FERRY3: variants seen among roughly 807,000 people sequenced by gnomAD.
FERRY3 encodes the protein FERRY endosomal RAB5 effector complex subunit 3.
the FERRY3 span, chr12:4,534,289 A>G: frequency 3.1e-6 from 5 of 1,608,780 alleles, no homozygotes; most frequent in South Asian, 5.5e-5. Context: ...ACTGAGTCAG[A>G]GCTTCTTTTA....
chr12:4,509,774 T>C, the FERRY3 span, among the ~76,000 whole-genome samples: 5 of 139,514 alleles, frequency 3.6e-5, no homozygotes, highest in Non-Finnish European at 7.6e-5. Context: ...AGACCAAAAG[T>C]AGATAAAACC....
At chr12:4,527,043 G>A in the FERRY3 span, among the ~76,000 whole-genome samples, 1 of 152,024 alleles carries the variant, frequency 6.6e-6, no homozygotes, top group Admixed American at 6.6e-5. Context: ...TGGGTCAAAT[G>A]AAAATTATGC....
chr12:4,530,644 C>A, the FERRY3 span, among the ~76,000 whole-genome samples: 1 of 152,160 alleles, frequency 6.6e-6, no homozygotes, highest in East Asian at 1.9e-4. Context: ...TTTAGTTTGA[C>A]CTTTTCTAGT....
chr12:4,508,782 A>G, the FERRY3 span: 1 of 152,126 alleles, frequency 6.6e-6, no homozygotes, highest in Non-Finnish European at 1.5e-5. Context: ...CTGTGTATGC[A>G]TTCAAGCCAG....
chr12:4,532,964 G>A, the FERRY3 span, among the ~76,000 whole-genome samples: 1 of 152,142 alleles, frequency 6.6e-6, no homozygotes, highest in Non-Finnish European at 1.5e-5. Flanking sequence ...ACAAACTGGT[G>A]CCACTCTTAA....
the FERRY3 span, among the ~76,000 whole-genome samples, chr12:4,535,841 G>GAC: frequency 6.6e-6 from 1 of 151,758 alleles, no homozygotes; most frequent in Admixed American, 6.6e-5. This position sits in a 1 kb window ranked among gnomAD's most constrained non-coding sequence, Gnocchi z 4.0. Context: ...CCACTTATAG[G>GAC]AAAAAACACT....
chr12:4,513,263 C>T, the FERRY3 span, among the ~76,000 whole-genome samples: 1 of 146,424 alleles, frequency 6.8e-6, no homozygotes, highest in Non-Finnish European at 1.5e-5. Flanking sequence ...AATGGAAGAA[C>T]ATTCCATGCT....
the FERRY3 span, among the ~76,000 whole-genome samples, chr12:4,526,944 T>C: frequency 6.6e-6 from 1 of 152,108 alleles, no homozygotes; most frequent in Non-Finnish European, 1.5e-5. Flanking sequence ...TACATTTCTA[T>C]ATATACCTTC....
At chr12:4,508,588 T>A in the FERRY3 span, among the ~76,000 whole-genome samples, 3 of 151,984 alleles carry the variant, frequency 2.0e-5, no homozygotes, top group South Asian at 6.2e-4. Flanking sequence ...CTATTAAAAA[T>A]ACAAAAATTA....
chr12:4,490,633 T>C, the FERRY3 span: 2 of 1,480,660 alleles, frequency 1.4e-6, no homozygotes, highest in Admixed American at 3.5e-5. Flanking sequence ...AGTTCTGGCC[T>C]TCAAACCTAC....
At chr12:4,525,658 A>G in the FERRY3 span, 1 of 1,060,012 alleles carries the variant, frequency 9.4e-7, no homozygotes, top group Non-Finnish European at 1.4e-6. Flanking sequence ...TCATCAAACA[A>G]TCTCTATAAA....
At chr12:4,538,177 C>T in the FERRY3 span, among the ~76,000 whole-genome samples, 13 of 152,176 alleles carry the variant, frequency 8.5e-5, no homozygotes, top group African/African-American at 3.1e-4. Flanking sequence ...ATCCTGAAGC[C>T]TGGGTTCAGT....
the FERRY3 span, among the ~76,000 whole-genome samples, chr12:4,506,874 G>A: frequency 6.6e-6 from 1 of 152,146 alleles, no homozygotes; most frequent in South Asian, 2.1e-4. Flanking sequence ...TAAACATGCA[G>A]AACACACATG....
the FERRY3 span, chr12:4,490,460 G>A: frequency 7.5e-7 from 1 of 1,329,424 alleles, no homozygotes; most frequent in Non-Finnish European, 1.0e-6. Context: ...ATGCCTAGCT[G>A]TATCTGTGAG....
chr12:4,514,947 T>C, the FERRY3 span, among the ~76,000 whole-genome samples: 1 of 150,902 alleles, frequency 6.6e-6, no homozygotes, highest in Non-Finnish European at 1.5e-5. Flanking sequence ...TGGTACCAAT[T>C]TAATTTACAA....
the FERRY3 span, among the ~76,000 whole-genome samples, chr12:4,517,369 G>A: frequency 1.3e-5 from 2 of 151,850 alleles, no homozygotes. Flanking sequence ...GTTTTGATTA[G>A]AGACTTAACC....
At chr12:4,509,832 G>A in the FERRY3 span, among the ~76,000 whole-genome samples, 1 of 138,008 alleles carries the variant, frequency 7.2e-6, no homozygotes, top group African/African-American at 3.3e-5. Context: ...ACTCTAAAAC[G>A]CAGAGCGTCT....
At chr12:4,514,679 G>A in the FERRY3 span, among the ~76,000 whole-genome samples, 2 of 148,210 alleles carry the variant, frequency 1.3e-5, no homozygotes, top group Non-Finnish European at 3.0e-5. Context: ...CTCACTCATA[G>A]GTGGGAATTG....
the FERRY3 span, among the ~76,000 whole-genome samples, chr12:4,503,008 T>C: frequency 6.6e-6 from 1 of 152,124 alleles, no homozygotes; most frequent in Non-Finnish European, 1.5e-5. Context: ...TAAGACAATA[T>C]CCTTCTGGCC....
Sources: gnomAD v4.1 joint callset for allele counts (sites outside exome capture counted in the v4.1 genomes callset) on GRCh38, gnomAD v4.1.1 for gene constraint, Gnocchi (gnomAD v3.1) non-coding constraint, MANE v1.5 for transcripts, NCBI Gene and HGNC (gene_info 2026-07-23, HGNC 2026-07-21) for gene names.